LTBP1: variants seen among roughly 807,000 people sequenced by gnomAD.
LTBP1 encodes latent-transforming growth factor beta-binding protein 1.
In LTBP1, 129 loss-of-function variants were observed where a neutral mutation model predicts 207.6. The observed-to-expected ratio is 0.62, with a 90% CI of 0.54 to 0.72. LTBP1 has a LOEUF of 0.72. Among genes scored for constraint, LTBP1 ranks in the 30% least tolerant of loss-of-function variants. LTBP1 has a pLI of 0.00. For missense variants in LTBP1, 2,281 were observed against 2,217.2 expected, an observed-to-expected ratio of 1.03 and a Z score of -0.58; for synonymous variants, 963 against 833.7, an observed-to-expected ratio of 1.16 and a Z score of -2.67.
intron 15 of LTBP1, among the ~76,000 whole-genome samples, chr2:33,264,049 A>C (rs1284258519): frequency 6.6e-6 from 1 of 151,660 alleles, no homozygotes; most frequent in Admixed American, 6.6e-5. Context: ...AGGTCAGGAG[A>C]TTGAGACCAT....
At chr2:33,289,478 G>C (rs1209677629) in intron 19 of LTBP1, among the ~76,000 whole-genome samples, 1 of 152,000 alleles carries the variant, frequency 6.6e-6, no homozygotes, top group African/African-American at 2.4e-5. Context: ...TCCTGCCTCA[G>C]CCTCCCAAGT....
intron 7 of LTBP1, among the ~76,000 whole-genome samples, chr2:33,194,634 G>T (rs951126680): frequency 6.6e-6 from 1 of 152,164 alleles, no homozygotes; most frequent in African/African-American, 2.4e-5. Flanking sequence ...AGCTAGTAGT[G>T]GTTGGTTCAT....
chr2:33,067,273 G>T (rs1053451423), intron 3 of LTBP1, among the ~76,000 whole-genome samples: 6 of 152,204 alleles, frequency 3.9e-5, no homozygotes, highest in African/African-American at 1.4e-4. Flanking sequence ...AGTTGATAAT[G>T]AATTCAACAT....
chr2:33,163,492 TG>T (rs1222809251), intron 5 of LTBP1, among the ~76,000 whole-genome samples: 2 of 151,880 alleles, frequency 1.3e-5, no homozygotes, highest in Non-Finnish European at 2.9e-5. Flanking sequence ...CAAGAGCGAG[TG>T]GGGTAGGATG....
chr2:33,245,765 A>T (rs1261116573), intron 10 of LTBP1, among the ~76,000 whole-genome samples: 1 of 152,198 alleles, frequency 6.6e-6, no homozygotes, highest in South Asian at 2.1e-4. Flanking sequence ...AAATGTAAAG[A>T]TTGTAGAGTT....
chr2:33,104,751 C>T (rs1226336194), intron 3 of LTBP1, among the ~76,000 whole-genome samples: 3 of 152,142 alleles, frequency 2.0e-5, no homozygotes, highest in Non-Finnish European at 4.4e-5. Flanking sequence ...GTCACTATTC[C>T]TAAACTCAGA....
intron 2 of LTBP1, among the ~76,000 whole-genome samples, chr2:32,955,940 A>T (rs1678006905): frequency 6.6e-6 from 1 of 152,222 alleles, no homozygotes; most frequent in South Asian, 2.1e-4. Context: ...CAAATATCTC[A>T]ATAAAGTGAG....
chr2:33,159,498 C>T (rs1572907794), intron 5 of LTBP1, among the ~76,000 whole-genome samples: 1 of 152,206 alleles, frequency 6.6e-6, no homozygotes, highest in South Asian at 2.1e-4. Flanking sequence ...TCTTTGTGTC[C>T]AATTCATTCA....
chr2:33,084,440 T>G (rs1198686876), intron 3 of LTBP1, among the ~76,000 whole-genome samples: 1 of 152,086 alleles, frequency 6.6e-6, no homozygotes, highest in Non-Finnish European at 1.5e-5. Flanking sequence ...TTTATCCTCA[T>G]TGCGTCTGTA....
chr2:33,030,395 A>G (rs927043068), intron 3 of LTBP1, among the ~76,000 whole-genome samples: 3 of 152,014 alleles, frequency 2.0e-5, no homozygotes. Context: ...CTCCCTCTCC[A>G]TTCCTCTTTC....
intron 3 of LTBP1, among the ~76,000 whole-genome samples, chr2:33,039,822 A>T (rs2076097963): frequency 6.6e-6 from 1 of 152,116 alleles, no homozygotes; most frequent in South Asian, 2.1e-4. Context: ...TACTGGAGTG[A>T]TAATGGGTTC....
chr2:32,954,092 G>T (rs1397777783), intron 2 of LTBP1, among the ~76,000 whole-genome samples: 1 of 152,164 alleles, frequency 6.6e-6, no homozygotes, highest in Admixed American at 6.5e-5. Context: ...AGACAGTGGG[G>T]CAGTGCTCAG....
At chr2:33,335,712 C>T (rs1387060029) in intron 24 of LTBP1, among the ~76,000 whole-genome samples, 1 of 152,174 alleles carries the variant, frequency 6.6e-6, no homozygotes, top group Admixed American at 6.5e-5. Flanking sequence ...TTTTGGGCAG[C>T]TATTCAGCTG....
chr2:33,285,026 T>C (rs1345452714), intron 19 of LTBP1, among the ~76,000 whole-genome samples: 1 of 151,128 alleles, frequency 6.6e-6, no homozygotes, highest in Non-Finnish European at 1.5e-5. Context: ...GTAAGTTATG[T>C]ATCACATTCT....
intron 3 of LTBP1, among the ~76,000 whole-genome samples, chr2:33,098,669 C>T (rs747057678): frequency 6.6e-6 from 1 of 152,066 alleles, no homozygotes; most frequent in Admixed American, 6.5e-5. Context: ...GAACTCCTGA[C>T]CTCAGGTAAT....
chr2:33,303,361 T>G (rs943635080), intron 22 of LTBP1, among the ~76,000 whole-genome samples: 1 of 150,598 alleles, frequency 6.6e-6, no homozygotes, highest in African/African-American at 2.4e-5. Flanking sequence ...TCTTTTTTTT[T>G]TTTTTTTGAG....
intron 3 of LTBP1, among the ~76,000 whole-genome samples, chr2:33,021,849 GAAGA>G (rs1179236118): frequency 6.6e-6 from 1 of 152,112 alleles, no homozygotes; most frequent in African/African-American, 2.4e-5. Flanking sequence ...AGAACTCAGA[GAAGA>G]AAGATTACCC....
intron 28 of LTBP1, 39 bp from the exon 29 acceptor site, chr2:33,363,351 C>T (rs780232447): frequency 1.9e-6 from 3 of 1,609,516 alleles, no homozygotes; most frequent in Non-Finnish European, 2.5e-6. Flanking sequence ...AAGATCAAAC[C>T]TAACTCCTTT....
intron 5 of LTBP1, among the ~76,000 whole-genome samples, chr2:33,136,920 A>C (rs1359215452): frequency 6.6e-6 from 1 of 152,202 alleles, no homozygotes; most frequent in Non-Finnish European, 1.5e-5. Flanking sequence ...AGAGCAGTTT[A>C]ATTTTTTGAA....
Sources: gnomAD v4.1 joint callset for allele counts (sites outside exome capture counted in the v4.1 genomes callset) on GRCh38, gnomAD v4.1.1 for gene constraint, MANE v1.5 for transcripts, NCBI Gene and HGNC (gene_info 2026-07-23, HGNC 2026-07-21) for gene names.